The following GCG variants were observed in gnomAD, a reference collection of about 807,000 sequenced individuals.
The protein encoded by GCG is glucagon, also known as pro-glucagon.
A neutral mutation model predicts 22.8 loss-of-function variants in GCG; 11 were observed. The observed-to-expected ratio is 0.48, with a 90% CI of 0.30 to 0.80. GCG has a LOEUF of 0.80. GCG is among the 30% of genes least tolerant of loss of function. The pLI is 0.06. For synonymous variants in GCG, 89 were observed against 72.4 expected, an observed-to-expected ratio of 1.23 and a Z score of -1.16; for missense variants, 222 against 222.0, an observed-to-expected ratio of 1.00 and a Z score of 0.00.
intron 3 of GCG, among the ~76,000 whole-genome samples, chr2:162,146,362 G>A (rs1022629028): frequency 6.6e-6 from 1 of 152,068 alleles, no homozygotes; most frequent in Non-Finnish European, 1.5e-5. Flanking sequence ...TAGAAAATGA[G>A]GACAGTTGTT....
At position 162,144,044 on chromosome 2, in the gene GCG, C is replaced by G; in HGVS notation, c.519G>C (p.Gln173His). Reference sequence around the variant, plus strand: ...GCAGTCACCTGTCAGTGATTTTGGTCTGAATCAACCAGTTTATAAAGTCCC... The same window carrying G: ...GCAGTCACCTGTCAGTGATTTTGGTGTGAATCAACCAGTTTATAAAGTCCC... ...AARDFINWLIQTKITDRK is the reference protein window; with the variant it reads ...AARDFINWLIHTKITDRK The change falls in exon 5 of 6, where the codon CAG becomes CAC. Residue 173 changes from glutamine to histidine, a missense_variant. By Grantham distance (24) the Gln-to-His change is conservative. Transcript: ENST00000418842. 6.2e-7 allele frequency: 1 copy of G among 1,613,060 alleles called. No individual in the cohort carries two copies. Among genetic ancestry groups the G allele is most frequent in the Non-Finnish European group, 8.5e-7 (1 of 1,179,346 alleles).
intron 4 of GCG, chr2:162,144,471 A>AATTT (rs10671204): frequency 0.087 from 23,765 of 272,346 alleles, 2,526 homozygotes; most frequent in Admixed American, 0.28. Flanking sequence ...TGAGATTATT[A>AATTT]GTCTGTAATT....
intron 4 of GCG, chr2:162,144,481 T>C: frequency 3.9e-6 from 1 of 253,396 alleles, no homozygotes; most frequent in South Asian, 7.2e-5. Context: ...AGTCTGTAAT[T>C]CAACTAAATA....
At chr2:162,146,299 TTGAG>T (rs1224693356) in intron 3 of GCG, among the ~76,000 whole-genome samples, 1 of 152,156 alleles carries the variant, frequency 6.6e-6, no homozygotes, top group African/African-American at 2.4e-5. Flanking sequence ...GCAACACTGC[TTGAG>T]TGTGAGGATT....
At chr2:162,144,416 G>A in intron 4 of GCG, 1 of 450,804 alleles carries the variant, frequency 2.2e-6, no homozygotes, top group Non-Finnish European at 4.0e-6. Flanking sequence ...AATCTTCTAG[G>A]CTGTTTTGAA....
intron 2 of GCG, among the ~76,000 whole-genome samples, chr2:162,147,836 C>T (rs1449070485): frequency 1.3e-5 from 2 of 152,028 alleles, no homozygotes; most frequent in Non-Finnish European, 2.9e-5. Context: ...AGAGTAGTGA[C>T]TTGAATATTT....
At position 162,145,674 on chromosome 2, in the gene GCG, A is replaced by G. The variant is rs750166898; in HGVS notation, c.258T>C (p.Asn86=). 1.9e-5 allele frequency: 30 copies of G among 1,608,390 alleles called. No homozygotes were observed. Among genetic ancestry groups the G allele is most frequent in the Non-Finnish European group, 2.5e-5 (29 of 1,177,316 alleles). Residue 86 remains asparagine (N), a synonymous_variant, in exon 4 of 6, where the codon AAT becomes AAC. Transcript: ENST00000418842. ...QWLMNTKRNR[N]NIAKRHDEFE... ...ATTCATCGTGACGTTTGGCAATGTT[A>G]TTCCTGAAAGAAATGTGAAAGTTAA...
chr2:162,148,469 T>C (rs964253503), intron 2 of GCG, among the ~76,000 whole-genome samples: 1 of 152,024 alleles, frequency 6.6e-6, no homozygotes, highest in Non-Finnish European at 1.5e-5. Flanking sequence ...CCATTAAATA[T>C]CATGTTTAAC....
At position 162,147,599 on chromosome 2, in the gene GCG, A is replaced by C. The variant is rs888242669; in HGVS notation, c.93-85T>G. On this transcript the variant is annotated intron_variant, in intron 2 of 5. Coordinates refer to ENST00000418842, the MANE Select transcript of GCG (RefSeq NM_002054.5). ...AAGCATCTTCACTACAAAATACAAG[A>C]CCATATAAAACAGTAAGGCAGGCAT... 13 of 1,146,146 alleles carry C rather than the reference A, an allele frequency of 1.1e-5. No homozygotes were observed. The African/African-American group carries it at 2.0e-4, about 17-fold the overall frequency. The allele number at this position is 1,146,146 out of a possible 1,614,324, so 71.0% of individuals were successfully genotyped here.
intron 3 of GCG, among the ~76,000 whole-genome samples, chr2:162,146,767 C>G (rs1686697446): frequency 6.6e-6 from 1 of 152,056 alleles, no homozygotes; most frequent in Non-Finnish European, 1.5e-5. Context: ...AGCCTAGATG[C>G]AGCAAAAAAC....
chr2:162,147,211 A>G, intron 3 of GCG, 142 bp downstream of exon 3: 1 of 695,132 alleles, frequency 1.4e-6, no homozygotes, highest in Non-Finnish European at 2.5e-6. Context: ...TAAGGAGAGC[A>G]TCCCCAACCC....
chr2:162,144,253 A>G (rs961014706), intron 4 of GCG, 83 bp from the exon 5 acceptor site: 22 of 1,080,234 alleles, frequency 2.0e-5, no homozygotes, highest in Non-Finnish European at 2.9e-5. Context: ...GGTAACATGC[A>G]CAAGTGTCTT....
chr2:162,149,718 T>C (rs939874332), intron 1 of GCG, among the ~76,000 whole-genome samples: 2 of 152,170 alleles, frequency 1.3e-5, no homozygotes, highest in Non-Finnish European at 2.9e-5. Flanking sequence ...TTCATTTATA[T>C]TTTAAATAGT....
At position 162,147,708 on chromosome 2, in the gene GCG, T is replaced by C. The variant is rs1220341914; in HGVS notation, c.93-194A>G. On this transcript the variant is annotated intron_variant, in intron 2 of 5. Transcript: ENST00000418842. ...TTCGTTTTAGTATAGTTGCATACGC[T>C]ATTATTCTGAATTCTAGAAACATGT... is the stretch of plus-strand genomic sequence containing the variant. 4 of 659,202 alleles carry C rather than the reference T, an allele frequency of 6.1e-6. No homozygotes were observed. In the Admixed American group the frequency reaches 9.6e-5, roughly 16 times the overall value. 40.8% of individuals were successfully genotyped at this position (659,202 alleles called of 1,614,324 possible).
intron 3 of GCG, among the ~76,000 whole-genome samples, chr2:162,147,041 G>A (rs113344394): frequency 5.9e-5 from 9 of 152,030 alleles, no homozygotes; most frequent in Non-Finnish European, 1.0e-4. Context: ...TGGTAACCTC[G>A]TAGGTCCACA....
intron 1 of GCG, among the ~76,000 whole-genome samples, chr2:162,150,005 C>T (rs1013232516): frequency 2.6e-5 from 4 of 152,072 alleles, no homozygotes; most frequent in African/African-American, 4.8e-5. Flanking sequence ...GCTGGTGACA[C>T]CATAGACTTG....
chr2:162,147,224 A>G (rs988925416), intron 3 of GCG, 129 bp downstream of exon 3: 1 of 750,894 alleles, frequency 1.3e-6, no homozygotes, highest in African/African-American at 1.7e-5. Context: ...CCCAACCCTA[A>G]ACATCTTCAA....
chr2:162,144,423 T>G, intron 4 of GCG: 1 of 433,986 alleles, frequency 2.3e-6, no homozygotes, highest in East Asian at 3.9e-5. Flanking sequence ...TAGGCTGTTT[T>G]GAAGATTTTA....
In GCG at chr2:162,143,359, T is replaced by C; in HGVS notation, c.*5A>G. ...TTGTGAAGATGATCTTGAATAGTGATATAGTTATTTCCTAGAGATTAAAAA... is the reference window on the plus strand; with the variant it reads ...TTGTGAAGATGATCTTGAATAGTGACATAGTTATTTCCTAGAGATTAAAAA... On this transcript the variant is annotated 3_prime_UTR_variant, in exon 6 of 6. Transcript: ENST00000418842. The C allele has an allele frequency of 8.1e-7, 1 of 1,230,466 alleles. No individual in the cohort carries two copies. The highest frequency in any genetic ancestry group is 1.1e-6 in the Non-Finnish European group (1 of 874,032). 76.2% of individuals were successfully genotyped at this position (1,230,466 alleles called of 1,614,324 possible).
Sources: allele counts gnomAD v4.1 joint callset (sites outside exome capture counted in the v4.1 genomes callset), GRCh38; gene constraint gnomAD v4.1.1; transcripts MANE v1.5; gene names NCBI Gene and HGNC (gene_info 2026-07-23, HGNC 2026-07-21).